Variants in NEO1 observed in about 807,000 individuals in gnomAD.
NEO1 encodes the protein neogenin 1, also known as neogenin.
Under a neutral mutation model 159.7 loss-of-function variants are expected in NEO1, and 63 were observed. The ratio of observed to expected loss-of-function variants is 0.39; its 90% CI spans 0.32 to 0.49. The LOEUF is 0.49. Among genes scored for constraint, NEO1 ranks in the 20% least tolerant of loss-of-function variants. The pLI is 0.85. For missense variants in NEO1, 1,615 were observed against 1,831.0 expected, an observed-to-expected ratio of 0.88 and a Z score of 2.15; for synonymous variants, 633 against 662.0, an observed-to-expected ratio of 0.96 and a Z score of 0.67.
chr15:73,184,958 A>G (rs1211889511), intron 7 of NEO1, among the ~76,000 whole-genome samples: 1 of 152,168 alleles, frequency 6.6e-6, no homozygotes, highest in Non-Finnish European at 1.5e-5. Context: ...AGAAAAAGAA[A>G]AAAGAAATGA....
intron 1 of NEO1, among the ~76,000 whole-genome samples, chr15:73,098,394 A>G (rs1052165210): frequency 1.3e-5 from 2 of 152,160 alleles, no homozygotes; most frequent in African/African-American, 4.8e-5. Context: ...AAGTTCTGTG[A>G]AGAGACTTAG....
At chr15:73,198,000 G>A (rs1275741129) in intron 7 of NEO1, among the ~76,000 whole-genome samples, 1 of 152,028 alleles carries the variant, frequency 6.6e-6, no homozygotes, top group Non-Finnish European at 1.5e-5. Context: ...TAATAGCATT[G>A]ACTGAAATAT....
rs770083773 is a variant in NEO1 at position 73,272,580 on chromosome 15, G to A, written c.2965+18G>A. The A allele has an allele frequency of 1.3e-6, 2 of 1,524,316 alleles. No individual in the cohort carries two copies. Among genetic ancestry groups the A allele is most frequent in the African/African-American group, 1.4e-5 (1 of 73,504 alleles). The allele number at this position is 1,524,316 out of a possible 1,614,324, so 94.4% of individuals were successfully genotyped here. A position where few individuals can be genotyped will look rare whatever the true frequency, so the allele number is the denominator to read the frequency against. ...AATTACAGGTAAAATGCAATCAAGT[G>A]TGCATTTCTTTGTGCGCTCTTCCTG... On this transcript the variant is annotated intron_variant, in intron 19 of 28. Coordinates refer to ENST00000261908, the MANE Select transcript of NEO1 (RefSeq NM_002499.4).
intron 1 of NEO1, among the ~76,000 whole-genome samples, chr15:73,107,833 T>C (rs1431631612): frequency 6.6e-6 from 1 of 152,222 alleles, no homozygotes; most frequent in Non-Finnish European, 1.5e-5. Context: ...TGCATCAGTA[T>C]TGGGTCTTAC....
chr15:73,224,694 T>G (rs532949753), intron 7 of NEO1, among the ~76,000 whole-genome samples: 1 of 152,288 alleles, frequency 6.6e-6, no homozygotes, highest in African/African-American at 2.4e-5. Context: ...CCTTGAATAT[T>G]TCTCTCTTCA....
intron 23 of NEO1, among the ~76,000 whole-genome samples, chr15:73,286,793 A>T (rs2151114980): frequency 6.6e-6 from 1 of 152,158 alleles, no homozygotes; most frequent in Admixed American, 6.5e-5. Context: ...CTCACCCTAC[A>T]TCCATTTATT....
At position 73,122,839 on chromosome 15, in the gene NEO1, T is replaced by C. The variant is rs565367328; in HGVS notation, c.724+39T>C. 1.1e-5 allele frequency: 18 copies of C among 1,602,604 alleles called. No individual in the cohort carries two copies. The South Asian group carries it at 1.9e-4, about 17-fold the overall frequency. On this transcript the variant is annotated intron_variant, in intron 3 of 28. Coordinates refer to ENST00000261908, the MANE Select transcript of NEO1 (RefSeq NM_002499.4). ...ATCAGGACTGATGGTTTTATGTTTA[T>C]GAATGGGTAAACATTGTTCTGTTAG...
chr15:73,236,229 CT>C, intron 7 of NEO1, 117 bp from the exon 8 acceptor site: 1 of 1,392,552 alleles, frequency 7.2e-7, no homozygotes, highest in Non-Finnish European at 9.9e-7. Flanking sequence ...TTTCTGTTCT[CT>C]TTTTTAAAAC....
At chr15:73,090,011 G>C (rs976156160) in intron 1 of NEO1, among the ~76,000 whole-genome samples, 1 of 152,102 alleles carries the variant, frequency 6.6e-6, no homozygotes, top group Non-Finnish European at 1.5e-5. Context: ...ACTCTCAGAT[G>C]TGTCCTGGTT....
At position 73,053,571 on chromosome 15, in the gene NEO1, A is replaced by T. The variant is rs151002129; in HGVS notation, c.130+766A>T. Among the ~76,000 whole-genome samples, 6 of 152,328 alleles carry T rather than the reference A, an allele frequency of 3.9e-5. No individual in the cohort carries two copies. The East Asian group carries it at 1.2e-3, about 29-fold the overall frequency. On this transcript the variant is annotated intron_variant, in intron 1 of 28. Coordinates refer to ENST00000261908, the MANE Select transcript of NEO1 (RefSeq NM_002499.4). Reference sequence around the variant, plus strand: ...TACTTGTACAATGTTTTCAGATGGCATTGTATAAACATTGAACCTCAAAAG... The same window carrying T: ...TACTTGTACAATGTTTTCAGATGGCTTTGTATAAACATTGAACCTCAAAAG...
Position 73,116,871 on chromosome 15 carries a change from G to T in NEO1, c.448+14G>T. The T allele has an allele frequency of 5.1e-6, 7 of 1,374,122 alleles. No individual in the cohort carries two copies. Among genetic ancestry groups the T allele is most frequent in the South Asian group, 1.5e-5 (1 of 66,400 alleles). 85.1% of individuals were successfully genotyped at this position (1,374,122 alleles called of 1,614,324 possible). A position where few individuals can be genotyped will look rare whatever the true frequency, so the allele number is the denominator to read the frequency against. ...TCATAGTAGCAGGTAAGTTTTAAGT[G>T]ATTTTTTTTTTTGCATTTTCAAATA... On this transcript the variant is annotated intron_variant, in intron 2 of 28. Coordinates refer to ENST00000261908, the MANE Select transcript of NEO1 (RefSeq NM_002499.4).
chr15:73,236,150 T>A, intron 7 of NEO1, 197 bp from the exon 8 acceptor site: 1 of 732,370 alleles, frequency 1.4e-6, no homozygotes, highest in Admixed American at 2.9e-5. Flanking sequence ...TTAATGGCCT[T>A]TTTTATGTTC....
intron 1 of NEO1, 68 bp from the exon 2 acceptor site, chr15:73,116,472 A>G (rs573795062): frequency 2.9e-6 from 4 of 1,356,048 alleles, no homozygotes; most frequent in African/African-American, 2.9e-5. Flanking sequence ...ACTTGTTAGT[A>G]ATATATTTTC....
At chr15:73,062,391 C>T (rs887480398) in intron 1 of NEO1, among the ~76,000 whole-genome samples, 11 of 151,816 alleles carry the variant, frequency 7.2e-5, no homozygotes, top group Non-Finnish European at 1.2e-4. Flanking sequence ...ATAGATAATA[C>T]GTAATTAAGA....
intron 5 of NEO1, among the ~76,000 whole-genome samples, chr15:73,151,976 C>T (rs1006917964): frequency 1.3e-5 from 2 of 152,068 alleles, no homozygotes; most frequent in African/African-American, 4.8e-5. Context: ...AATATCTGTG[C>T]CTTTAGTAAA....
At chr15:73,281,562 T>C (rs1450986917) in intron 22 of NEO1, among the ~76,000 whole-genome samples, 2 of 151,750 alleles carry the variant, frequency 1.3e-5, no homozygotes, top group Non-Finnish European at 2.9e-5. Context: ...AGCCAAGAGA[T>C]TTTTTTTTAA....
intron 14 of NEO1, 42 bp from the exon 15 acceptor site, chr15:73,260,229 G>C: frequency 6.4e-7 from 1 of 1,559,882 alleles, no homozygotes; most frequent in Middle Eastern, 2.3e-4. Context: ...ATATTTTAAA[G>C]GACAGTATAT....
chr15:73,110,875 T>G (rs906677409), intron 1 of NEO1, among the ~76,000 whole-genome samples: 5 of 152,146 alleles, frequency 3.3e-5, no homozygotes, highest in African/African-American at 1.2e-4. Flanking sequence ...TTGATAACCC[T>G]TTTATTGTAA....
At chr15:73,178,667 A>C (rs1015535714) in intron 7 of NEO1, among the ~76,000 whole-genome samples, 1 of 152,218 alleles carries the variant, frequency 6.6e-6, no homozygotes, top group Non-Finnish European at 1.5e-5. Context: ...TTATAGTCTT[A>C]ATAAATTAAT....
Sources: allele counts gnomAD v4.1 joint callset (sites outside exome capture counted in the v4.1 genomes callset), GRCh38; gene constraint gnomAD v4.1.1; transcripts MANE v1.5; gene names NCBI Gene and HGNC (gene_info 2026-07-23, HGNC 2026-07-21).